NLGN1: variants seen among roughly 807,000 people sequenced by gnomAD.
NLGN1 encodes the protein neuroligin-1.
In NLGN1, 12 loss-of-function variants were observed where a neutral mutation model predicts 65.5. The observed-to-expected ratio is 0.18, with a 90% CI of 0.12 to 0.30. NLGN1 has a LOEUF of 0.30. Among genes scored for constraint, NLGN1 ranks in the 10% least tolerant of loss-of-function variants. NLGN1 has a pLI of 1.00. For missense variants in NLGN1, 750 were observed against 1,007.1 expected (o/e 0.74, Z 3.46); for synonymous variants, 350 against 359.5 (o/e 0.97, Z 0.30).
chr3:173,794,085 C>T (rs79769588), intron 3 of NLGN1, among the ~76,000 whole-genome samples: 5,087 of 152,096 alleles, frequency 0.033, 133 homozygotes, highest in Middle Eastern at 0.058. Context: ...TCCCCGAAAT[C>T]TTCTTTCCAC....
intron 4 of NLGN1, among the ~76,000 whole-genome samples, chr3:174,182,815 T>C (rs933608264): frequency 6.6e-6 from 1 of 152,170 alleles, no homozygotes; most frequent in Non-Finnish European, 1.5e-5. Flanking sequence ...ACTTCTCATC[T>C]TCTCTCTAAA....
At chr3:173,789,930 C>T in intron 3 of NLGN1, 1 of 496,314 alleles carries the variant, frequency 2.0e-6, no homozygotes, top group Non-Finnish European at 4.0e-6. Flanking sequence ...CACCTGTGAG[C>T]TTCATTCCTT....
chr3:173,747,054 A>ATG (rs1484308013), intron 3 of NLGN1, among the ~76,000 whole-genome samples: 2 of 71,274 alleles, frequency 2.8e-5, no homozygotes, highest in African/African-American at 5.7e-5. Flanking sequence ...AGAAAAAATT[A>ATG]TATATACACA....
intron 4 of NLGN1, among the ~76,000 whole-genome samples, chr3:174,176,684 C>T (rs1342428087): frequency 6.6e-6 from 1 of 152,022 alleles, no homozygotes; most frequent in African/African-American, 2.4e-5. Flanking sequence ...GTAGAGATTG[C>T]TGTCCAAAGG....
chr3:174,121,043 G>C (rs1025977533), intron 4 of NLGN1, among the ~76,000 whole-genome samples: 15 of 152,138 alleles, frequency 9.9e-5, no homozygotes, highest in Non-Finnish European at 2.1e-4. Flanking sequence ...AGTTCTGTAA[G>C]TTATGTGCCA....
chr3:173,629,001 CAGTG>C (rs1466758741), intron 3 of NLGN1, among the ~76,000 whole-genome samples: 1 of 63,450 alleles, frequency 1.6e-5, no homozygotes, highest in African/African-American at 9.2e-5. Flanking sequence ...TTACTTATCT[CAGTG>C]AGATCAGAGC....
chr3:173,746,747 A>T (rs1157263139), intron 3 of NLGN1, among the ~76,000 whole-genome samples: 4 of 152,040 alleles, frequency 2.6e-5, no homozygotes, highest in South Asian at 2.1e-4. Context: ...AACAGGAATC[A>T]TCTTTTTATT....
At chr3:173,993,464 T>A (rs191949788) in intron 4 of NLGN1, among the ~76,000 whole-genome samples, 2 of 152,322 alleles carry the variant, frequency 1.3e-5, no homozygotes, top group Non-Finnish European at 2.9e-5. Flanking sequence ...TATCATGGCA[T>A]GAAGTAAATA....
intron 4 of NLGN1, among the ~76,000 whole-genome samples, chr3:173,970,384 G>T (rs1715955261): frequency 6.6e-6 from 1 of 152,104 alleles, no homozygotes; most frequent in Non-Finnish European, 1.5e-5. Flanking sequence ...TTAATCAGGT[G>T]AAGGGCATTT....
chr3:173,465,224 G>T (rs1223650344), intron 2 of NLGN1, among the ~76,000 whole-genome samples: 6 of 152,204 alleles, frequency 3.9e-5, no homozygotes, highest in African/African-American at 1.4e-4. Context: ...CATCACAGAG[G>T]ATTCTGGCTT....
intron 4 of NLGN1, among the ~76,000 whole-genome samples, chr3:174,233,449 G>A (rs1042662496): frequency 3.2e-4 from 49 of 151,770 alleles, no homozygotes; most frequent in African/African-American, 1.2e-3. Flanking sequence ...TCACGCCATT[G>A]CACTCCAGCT....
chr3:173,821,952 G>T (rs1235512413), intron 4 of NLGN1, among the ~76,000 whole-genome samples: 2 of 152,112 alleles, frequency 1.3e-5, no homozygotes, highest in East Asian at 1.9e-4. Context: ...GAAAACAGAA[G>T]ACTTGAAAAG....
intron 4 of NLGN1, among the ~76,000 whole-genome samples, chr3:174,089,943 G>A (rs1744180110): frequency 6.6e-6 from 1 of 151,136 alleles, no homozygotes; most frequent in Non-Finnish European, 1.5e-5. Context: ...GTAGGTTTTA[G>A]TGGTGGTACA....
intron 4 of NLGN1, among the ~76,000 whole-genome samples, chr3:173,915,835 A>G (rs779393268): frequency 1.5e-4 from 22 of 151,002 alleles, no homozygotes; most frequent in Non-Finnish European, 2.6e-4. Flanking sequence ...TTCAAGGACC[A>G]TGTAGCTTTT....
intron 3 of NLGN1, among the ~76,000 whole-genome samples, chr3:173,740,873 G>A (rs1266804613): frequency 6.6e-6 from 1 of 152,104 alleles, no homozygotes; most frequent in Non-Finnish European, 1.5e-5. Context: ...TGCTAGCACT[G>A]ACAAAGAAGG....
intron 4 of NLGN1, among the ~76,000 whole-genome samples, chr3:174,030,889 A>G (rs1490622203): frequency 6.6e-6 from 1 of 152,204 alleles, no homozygotes; most frequent in Non-Finnish European, 1.5e-5. Context: ...TATTGGGATG[A>G]GAAAAGGAAA....
intron 3 of NLGN1, among the ~76,000 whole-genome samples, chr3:173,803,384 CGAGGTGGGCA>C (rs1460530767): frequency 6.6e-6 from 1 of 151,938 alleles, no homozygotes; most frequent in African/African-American, 2.4e-5. Context: ...TCTGGGAGGC[CGAGGTGGGCA>C]GATCACTTGA....
rs528686195 is a variant in NLGN1, at chr3:174,003,124, G to T, written c.646+195292G>T. Among the ~76,000 whole-genome samples, 3 of 152,244 alleles carry T rather than the reference G, an allele frequency of 2.0e-5. No individual in the cohort carries two copies. In the East Asian group the frequency reaches 5.8e-4, roughly 29 times the overall value. On this transcript the variant is annotated intron_variant, in intron 4 of 6. Transcript: ENST00000457714. The stretch of plus-strand genomic sequence containing the variant: ...TTCAGAGAGAATCTCACACTTTGAG[G>T]TGGAGGAGCTGGAAAAAAAGAAGGA...
At chr3:173,649,901 A>G (rs1394391655) in intron 3 of NLGN1, among the ~76,000 whole-genome samples, 2 of 152,150 alleles carry the variant, frequency 1.3e-5, no homozygotes, top group Admixed American at 1.3e-4. Flanking sequence ...AAATAAAACT[A>G]TATGAAAATG....
Sources: gnomAD v4.1 joint callset for allele counts (sites outside exome capture counted in the v4.1 genomes callset) on GRCh38, gnomAD v4.1.1 for gene constraint, MANE v1.5 for transcripts, NCBI Gene and HGNC (gene_info 2026-07-23, HGNC 2026-07-21) for gene names.